SUGP1: variants seen among roughly 807,000 people sequenced by gnomAD.
The protein encoded by SUGP1 is SURP and G-patch domain containing 1.
SUGP1 carries 34 observed loss-of-function variants against 76.5 expected under a neutral mutation model. That is an observed-to-expected ratio of 0.44 (90% CI 0.34 to 0.59). The LOEUF is 0.59. SUGP1 is among the 20% of genes least tolerant of loss of function. SUGP1 has a pLI of 0.01. For synonymous variants in SUGP1, 326 were observed against 326.2 expected, an observed-to-expected ratio of 1.00 and a Z score of 0.01; for missense variants, 752 against 851.7, an observed-to-expected ratio of 0.88 and a Z score of 1.46.
At chr19:19,301,923 A>C (rs1568629433) in intron 7 of SUGP1, 4 of 311,576 alleles carry the variant, frequency 1.3e-5, no homozygotes, top group South Asian at 5.0e-5. Flanking sequence ...CAGTACTGTG[A>C]ATTTCCACTT....
intron 7 of SUGP1, among the ~76,000 whole-genome samples, chr19:19,298,944 G>A (rs2061250076): frequency 6.6e-6 from 1 of 152,122 alleles, no homozygotes; most frequent in South Asian, 2.1e-4. Context: ...TCGGGGAGGG[G>A]GTTACAATGG....
intron 8 of SUGP1, among the ~76,000 whole-genome samples, chr19:19,288,755 CAA>C (rs975210700): frequency 6.7e-5 from 10 of 149,758 alleles, no homozygotes; most frequent in Admixed American, 6.0e-4. Flanking sequence ...GACCCTGCCT[CAA>C]AAAAAAAGTT....
At chr19:19,319,816 G>A (rs146079077) in intron 1 of SUGP1, among the ~76,000 whole-genome samples, 100 of 151,230 alleles carry the variant, frequency 6.6e-4, no homozygotes, top group African/African-American at 2.2e-3. Flanking sequence ...CACATCATAC[G>A]TAAGTTTTTG....
chr19:19,282,848 T>C (rs8100713), intron 8 of SUGP1, among the ~76,000 whole-genome samples: 24,164 of 151,814 alleles, frequency 0.16, 2,056 homozygotes, highest in Middle Eastern at 0.28. Context: ...GAGGCCAAGG[T>C]GGGCGGATCA....
chr19:19,304,142 T>A, intron 4 of SUGP1: 3 of 895,566 alleles, frequency 3.3e-6, no homozygotes, highest in Non-Finnish European at 4.9e-6. Context: ...GGGAAATGCT[T>A]AATTCTTTTC....
intron 1 of SUGP1, among the ~76,000 whole-genome samples, chr19:19,318,678 T>C (rs2061412785): frequency 6.6e-6 from 1 of 152,042 alleles, no homozygotes; most frequent in Non-Finnish European, 1.5e-5. Flanking sequence ...GAGCCTCCCA[T>C]TTAAGCCTCC....
chr19:19,280,742 C>T, intron 8 of SUGP1: 1 of 160,804 alleles, frequency 6.2e-6, no homozygotes, highest in South Asian at 1.8e-4. Context: ...GATTCAGAGT[C>T]TGGCGTAAGA....
Position 19,294,579 on chromosome 19 carries a change from G to A in SUGP1, c.1243+2410C>T, listed in dbSNP as rs1164614072. On this transcript the variant is annotated intron_variant, in intron 8 of 13. Transcript: ENST00000247001. ...TAAGAACTAAAGGTACAAAACTCTCGGTAGGAAACACAGGGGTAAATTTTC... is the reference window on the plus strand; with the variant it reads ...TAAGAACTAAAGGTACAAAACTCTCAGTAGGAAACACAGGGGTAAATTTTC... Among the ~76,000 whole-genome samples, 5 of 150,922 alleles carry A rather than the reference G, an allele frequency of 3.3e-5. No homozygotes were observed. The East Asian group carries it at 5.8e-4, about 17-fold the overall frequency.
chr19:19,297,428 T>TTCTGGCCTTGG, intron 7 of SUGP1, 84 bp from the exon 8 acceptor site: 1 of 1,136,902 alleles, frequency 8.8e-7, no homozygotes, highest in Non-Finnish European at 1.2e-6. Flanking sequence ...TCTGGCCTTG[T>TTCTGGCCTTGG]GTGCCCACGT....
intron 3 of SUGP1, among the ~76,000 whole-genome samples, chr19:19,308,482 G>A (rs1396172004): frequency 6.6e-6 from 1 of 152,262 alleles, no homozygotes; most frequent in East Asian, 1.9e-4. Context: ...GACATGGCAG[G>A]CACTGAGTCC....
intron 8 of SUGP1, among the ~76,000 whole-genome samples, chr19:19,293,741 C>A (rs897916755): frequency 2.0e-5 from 3 of 152,216 alleles, no homozygotes; most frequent in African/African-American, 7.2e-5. Context: ...AGGATGCACA[C>A]TTCCACCATT....
rs965705896 is a variant in SUGP1, at chr19:19,309,437, T to C, written c.310+660A>G. On this transcript the variant is annotated intron_variant, in intron 3 of 13. Coordinates refer to ENST00000247001, the MANE Select transcript of SUGP1 (RefSeq NM_172231.4). ...AGGTTGAGGCTGCAGTGTGCTATGA[T>C]TGCACTACTGCATTCTAGCCTGAGC... Among the ~76,000 whole-genome samples, 5 of 152,124 alleles carry C rather than the reference T, an allele frequency of 3.3e-5. No homozygotes were observed. The East Asian group carries it at 5.8e-4, about 18-fold the overall frequency.
Position 19,303,332 on chromosome 19 carries a change from C to A in SUGP1, c.763+16G>T. The A allele has an allele frequency of 6.2e-7, 1 of 1,610,722 alleles. No individual in the cohort carries two copies. The highest frequency in any genetic ancestry group is 1.3e-5 in the African/African-American group (1 of 74,952). On this transcript the variant is annotated intron_variant, in intron 6 of 13. Transcript: ENST00000247001. Reference sequence around the variant, plus strand: ...ACAGGCCTCCCCAGAATCTCCCACCCGCTCCGTCCACCTACCTTTCTGAGA... The same window carrying A: ...ACAGGCCTCCCCAGAATCTCCCACCAGCTCCGTCCACCTACCTTTCTGAGA...
At chr19:19,299,444 C>G (rs2061254142) in intron 7 of SUGP1, among the ~76,000 whole-genome samples, 1 of 152,054 alleles carries the variant, frequency 6.6e-6, no homozygotes, top group Non-Finnish European at 1.5e-5. Context: ...ACAATCTCAG[C>G]TCACTGCAAG....
rs745355360 is a variant in SUGP1, at chr19:19,297,427, G to C, written c.888-83C>G. On this transcript the variant is annotated intron_variant, in intron 7 of 13. Coordinates refer to ENST00000247001, the MANE Select transcript of SUGP1 (RefSeq NM_172231.4). ...TCTGGGCAGGAGCAGTTCTGGCCTT[G>C]TGTGCCCACGTTGGCCAGGGTCACT... The C allele has an allele frequency of 3.4e-3, 2,927 of 852,640 alleles. 1 individual carries two copies. The highest frequency in any genetic ancestry group is 4.4e-3 in the Non-Finnish European group (2,619 of 597,720). The allele number at this position is 852,640 out of a possible 1,614,324, so 52.8% of individuals were successfully genotyped here.
chr19:19,308,156 C>G (rs867269256), intron 3 of SUGP1, among the ~76,000 whole-genome samples: 1 of 152,104 alleles, frequency 6.6e-6, no homozygotes, highest in Non-Finnish European at 1.5e-5. Context: ...TCAGCCCCCC[C>G]ATTAGTTGGG....
intron 9 of SUGP1, 41 bp downstream of exon 9, chr19:19,280,144 G>A (rs1343350806): frequency 6.3e-7 from 1 of 1,588,650 alleles, no homozygotes; most frequent in African/African-American, 1.3e-5. Context: ...CACTCTATGG[G>A]CGCCGACCAT....
intron 3 of SUGP1, among the ~76,000 whole-genome samples, chr19:19,309,152 C>T (rs1445038698): frequency 2.6e-5 from 4 of 151,954 alleles, no homozygotes; most frequent in Admixed American, 2.6e-4. Context: ...CAGGCGTGAG[C>T]CACTGCGCCC....
At chr19:19,315,047 C>T (rs1311935675) in intron 2 of SUGP1, among the ~76,000 whole-genome samples, 8 of 152,108 alleles carry the variant, frequency 5.3e-5, no homozygotes, top group Non-Finnish European at 1.0e-4. Context: ...AAAAGGCAAA[C>T]GCTGCTGGGT....
Sources: allele counts gnomAD v4.1 joint callset (sites outside exome capture counted in the v4.1 genomes callset), GRCh38; gene constraint gnomAD v4.1.1; transcripts MANE v1.5; gene names NCBI Gene and HGNC (gene_info 2026-07-23, HGNC 2026-07-21).